The following DNAH11 variants were observed in gnomAD, a reference collection of about 807,000 sequenced individuals.
DNAH11 encodes dynein axonemal heavy chain 11.
In DNAH11, 442 loss-of-function variants were observed where a neutral mutation model predicts 526.0. The ratio of observed to expected loss-of-function variants is 0.84; its 90% CI spans 0.78 to 0.91. The LOEUF (loss-of-function observed/expected upper bound fraction) is 0.91. Ranked by LOEUF, DNAH11 falls within the 40% of genes least tolerant of loss-of-function variation. DNAH11 has a pLI of 0.00. For missense variants in DNAH11, 6,989 were observed against 5,448.7 expected, an observed-to-expected ratio of 1.28 and a Z score of -8.90; for synonymous variants, 2,461 against 1,935.9, an observed-to-expected ratio of 1.27 and a Z score of -7.12.
Position 21,717,781 on chromosome 7 carries a change from G to T in DNAH11, c.6990G>T (p.Val2330=), listed in dbSNP as rs1351648363. 6.2e-7 allele frequency: 1 copy of T among 1,613,690 alleles called. No homozygotes were observed. Among genetic ancestry groups the T allele is most frequent in the Non-Finnish European group, 8.5e-7 (1 of 1,179,776 alleles). ...NPQDLGWNPY[V]ASWIDRRRHQ... ...TTTCTGTGTTCCTTTTCAGGTATGT[G>T]GCCAGTTGGATAGACAGAAGGCGGC... is the stretch of plus-strand genomic sequence containing the variant. The change falls in exon 43 of 82, where the codon GTG becomes GTT. Residue 2330 remains valine (V), a synonymous_variant. Coordinates refer to ENST00000409508, the MANE Select transcript of DNAH11 (RefSeq NM_001277115.2).
At chr7:21,629,131 T>C (rs1019693021) in intron 25 of DNAH11, among the ~76,000 whole-genome samples, 6 of 152,110 alleles carry the variant, frequency 3.9e-5, no homozygotes, top group Non-Finnish European at 8.8e-5. Context: ...TCAGAAAATT[T>C]TTACATTTGC....
chr7:21,572,072 A>G (rs1783914953), intron 8 of DNAH11, 99 bp downstream of exon 8: 1 of 1,086,552 alleles, frequency 9.2e-7, no homozygotes, highest in East Asian at 2.9e-5. Flanking sequence ...ATCCATTCCA[A>G]TATCTCTAGG....
chr7:21,683,772 C>T lies in DNAH11; in HGVS notation c.5461-12C>T, dbSNP rs1172751114. ...CAGTGTCCTGCGTATGATGATTATG[C>T]AATGCCTTTAGGTTGTCAGTCCCCA... On this transcript the variant is annotated splice_polypyrimidine_tract_variant and intron_variant, in intron 31 of 81. Coordinates refer to ENST00000409508, the MANE Select transcript of DNAH11 (RefSeq NM_001277115.2). The T allele has an allele frequency of 1.3e-6, 2 of 1,581,370 alleles. No homozygotes were observed. The highest frequency in any genetic ancestry group is 2.7e-5 in the African/African-American group (2 of 74,052).
chr7:21,681,747 T>C (rs1783149613), intron 31 of DNAH11, 70 bp downstream of exon 31: 1 of 1,583,952 alleles, frequency 6.3e-7, no homozygotes, highest in African/African-American at 1.3e-5. Flanking sequence ...GCCAGAGTAG[T>C]TCCAAGAAAG....
At chr7:21,572,993 G>A (rs920471105) in intron 8 of DNAH11, among the ~76,000 whole-genome samples, 9 of 152,272 alleles carry the variant, frequency 5.9e-5, no homozygotes, top group Middle Eastern at 3.4e-3. Context: ...CTAGGTTAGC[G>A]CCGCTGAACG....
At position 21,616,211 on chromosome 7, in the gene DNAH11, A is replaced by G. The variant is rs752711407; in HGVS notation, c.4014A>G (p.Arg1338=). Residue 1338 remains arginine, a splice_region_variant and synonymous_variant, in exon 22 of 82, where the codon AGA becomes AGG. Transcript: ENST00000409508. ...GLWDVIIYVR[R]SIDNWTKTQW... is the part of the protein sequence containing the mutation. ...TTTATCTGCTTTTGCGTTTTCAGAG[A>G]AGCATTGATAATTGGACTAAAACCC... 1 of 1,613,096 alleles carries G rather than the reference A, an allele frequency of 6.2e-7. No homozygotes were observed. Among genetic ancestry groups the G allele is most frequent in the Non-Finnish European group, 8.5e-7 (1 of 1,179,478 alleles).
intron 76 of DNAH11, among the ~76,000 whole-genome samples, chr7:21,885,208 A>T (rs1171881034): frequency 7.0e-6 from 1 of 141,872 alleles, no homozygotes; most frequent in Non-Finnish European, 1.5e-5. Flanking sequence ...TTATGACACA[A>T]TGGGAAATTA....
intron 36 of DNAH11, among the ~76,000 whole-genome samples, chr7:21,700,811 G>A (rs1048235939): frequency 1.3e-5 from 2 of 152,116 alleles, no homozygotes; most frequent in African/African-American, 4.8e-5. Flanking sequence ...CCTTTGCAGA[G>A]ACATGGACGA....
At chr7:21,867,832 A>G (rs1472730196) in intron 71 of DNAH11, 27 bp from the exon 72 acceptor site, 4 of 1,453,390 alleles carry the variant, frequency 2.8e-6, no homozygotes, top group South Asian at 2.4e-5. Flanking sequence ...ACCACTGATC[A>G]TGTTTTTATA....
intron 36 of DNAH11, among the ~76,000 whole-genome samples, chr7:21,699,217 G>A (rs1474014012): frequency 6.6e-6 from 1 of 152,074 alleles, no homozygotes; most frequent in African/African-American, 2.4e-5. Context: ...TTATTTAAAG[G>A]TAGGGTTGAC....
In DNAH11 at chr7:21,543,314, G is replaced by C. The variant is rs919406417; in HGVS notation, c.69G>C (p.Ser23=). The C allele has an allele frequency of 6.5e-7, 1 of 1,549,830 alleles. No homozygotes were observed. The highest frequency in any genetic ancestry group is 8.7e-7 in the Non-Finnish European group (1 of 1,146,330). The part of the protein sequence containing the change: ...FREAPTLRLT[S]GAGLEAVGAV... Reference sequence around the variant, plus strand: ...AAGCCCCGACCCTTCGCCTAACCTCGGGGGCCGGCCTGGAGGCAGTGGGCG... The same window carrying C: ...AAGCCCCGACCCTTCGCCTAACCTCCGGGGCCGGCCTGGAGGCAGTGGGCG... The change falls in exon 1 of 82, where the codon TCG becomes TCC. Residue 23 remains serine (S), a synonymous_variant. Transcript: ENST00000409508.
At chr7:21,899,939 C>T (rs76025041) in intron 80 of DNAH11, 41 bp from the exon 81 acceptor site, 10 of 1,604,624 alleles carry the variant, frequency 6.2e-6, no homozygotes, top group African/African-American at 1.3e-5. Flanking sequence ...ACCTTACATG[C>T]AACACTTTTA....
intron 30 of DNAH11, among the ~76,000 whole-genome samples, chr7:21,680,867 A>C (rs542615134): frequency 3.9e-5 from 6 of 152,356 alleles, no homozygotes; most frequent in Admixed American, 3.9e-4. Flanking sequence ...AGAAAAATAT[A>C]ATTTGTCATT....
intron 79 of DNAH11, among the ~76,000 whole-genome samples, chr7:21,897,333 C>T (rs1784552237): frequency 6.6e-6 from 1 of 151,200 alleles, no homozygotes; most frequent in Non-Finnish European, 1.5e-5. Flanking sequence ...ACCTGAATGA[C>T]AGTTTGGCCA....
intron 54 of DNAH11, among the ~76,000 whole-genome samples, chr7:21,761,610 C>T (rs1053434534): frequency 6.6e-6 from 1 of 152,098 alleles, no homozygotes; most frequent in African/African-American, 2.4e-5. Flanking sequence ...TCCAGAGTTT[C>T]TGATTATTTA....
intron 56 of DNAH11, among the ~76,000 whole-genome samples, chr7:21,775,048 T>C (rs369490750): frequency 1.3e-5 from 2 of 152,100 alleles, no homozygotes; most frequent in East Asian, 1.9e-4. Context: ...ATGGGCACCT[T>C]TTCACTCTGA....
At position 21,671,929 on chromosome 7, in the gene DNAH11, A is replaced by G. The variant is rs563652277; in HGVS notation, c.5329-9617A>G. Among the ~76,000 whole-genome samples the G allele has an allele frequency of 1.5e-3, 227 of 152,308 alleles. 1 individual carries two copies. Among genetic ancestry groups the G allele is most frequent in the Non-Finnish European group, 2.5e-3 (167 of 68,042 alleles). ...TCTGACATTCGTTGCTCAATATTGC[A>G]CTGGTGGTTTTAGCAGTAGGATTAA... On this transcript the variant is annotated intron_variant, in intron 30 of 81. Transcript: ENST00000409508.
At chr7:21,621,723 A>G (rs1301307529) in intron 25 of DNAH11, among the ~76,000 whole-genome samples, 1 of 152,098 alleles carries the variant, frequency 6.6e-6, no homozygotes, top group Non-Finnish European at 1.5e-5. Context: ...GACAAAAACC[A>G]CATGATTATC....
At chr7:21,802,828 G>T (rs1408380799) in intron 62 of DNAH11, among the ~76,000 whole-genome samples, 5 of 151,900 alleles carry the variant, frequency 3.3e-5, no homozygotes, top group African/African-American at 7.3e-5. Context: ...GTTGCCAGGG[G>T]CTGGACAAGG....
Sources: gnomAD v4.1 joint callset for allele counts (sites outside exome capture counted in the v4.1 genomes callset) on GRCh38, gnomAD v4.1.1 for gene constraint, MANE v1.5 for transcripts, NCBI Gene and HGNC (gene_info 2026-07-23, HGNC 2026-07-21) for gene names.